DNAH6: variants seen among roughly 807,000 people sequenced by gnomAD.
The protein encoded by DNAH6 is axonemal beta dynein heavy chain 6.
In DNAH6, 340 loss-of-function variants were observed where a neutral mutation model predicts 491.4. The ratio of observed to expected loss-of-function variants is 0.69; its 90% confidence interval spans 0.63 to 0.76. The LOEUF is 0.76. DNAH6 is among the 30% of genes least tolerant of loss of function. The pLI is 0.00. For missense variants in DNAH6, 4,443 were observed against 4,972.2 expected (o/e 0.89, Z 3.20); for synonymous variants, 1,603 against 1,686.1 (o/e 0.95, Z 1.21).
At chr2:84,465,551 C>G in the DNAH6 span, among the ~76,000 whole-genome samples, 1 of 151,972 alleles carries the variant, frequency 6.6e-6, no homozygotes, top group Admixed American at 6.6e-5. Context: ...TATTCCCACA[C>G]AAAGAGTATA....
chr2:84,802,962 T>G (rs1679068977), intron 70 of DNAH6, among the ~76,000 whole-genome samples: 1 of 152,190 alleles, frequency 6.6e-6, no homozygotes, highest in Non-Finnish European at 1.5e-5. Context: ...GAATGACTTT[T>G]GGGTAAACAA....
rs892231504 is a variant in DNAH6, at chr2:84,577,171, A to G, written c.1925-86A>G. The G allele has an allele frequency of 1.0e-5, 8 of 786,780 alleles. No homozygotes were observed. The African/African-American group carries it at 1.2e-4, about 12-fold the overall frequency. 48.7% of individuals were successfully genotyped at this position (786,780 alleles called of 1,614,324 possible). A position where few individuals can be genotyped will look rare whatever the true frequency, so the allele number is the denominator to read the frequency against. The stretch of plus-strand genomic sequence containing the variant: ...TATACATATATGTGTAAATTTATCA[A>G]TGCAATGATTTTTAATATATTTTGT... On this transcript the variant is annotated intron_variant, in intron 12 of 76. Coordinates refer to ENST00000389394, the MANE Select transcript of DNAH6 (RefSeq NM_001370.2).
At chr2:84,631,646 A>G (rs1688408062) in intron 29 of DNAH6, among the ~76,000 whole-genome samples, 1 of 152,114 alleles carries the variant, frequency 6.6e-6, no homozygotes, top group South Asian at 2.1e-4. Context: ...GATCAGAGTG[A>G]TGCAGTACAA....
intron 62 of DNAH6, 134 bp downstream of exon 62, chr2:84,733,713 A>C: frequency 1.1e-6 from 1 of 891,174 alleles, no homozygotes; most frequent in Non-Finnish European, 1.6e-6. Context: ...AAGAAACTGT[A>C]AATTATTTGT....
In DNAH6 at chr2:84,533,101, G is replaced by A. The variant is rs1293412580; in HGVS notation, c.662+3935G>A. On this transcript the variant is annotated intron_variant, in intron 4 of 76. Transcript: ENST00000389394. ...CAGGGATTTAGACTGCAAAAGGCATGTAGGAATCAGTAGTGTCTGAGCACT... is the reference window on the plus strand; with the variant it reads ...CAGGGATTTAGACTGCAAAAGGCATATAGGAATCAGTAGTGTCTGAGCACT... Among the ~76,000 whole-genome samples, 6 of 152,114 alleles carry A rather than the reference G, an allele frequency of 3.9e-5. 1 individual carries two copies. The highest frequency in any genetic ancestry group is 3.9e-4 in the Admixed American group (6 of 15,244).
At chr2:84,590,564 T>C (rs1684021802) in intron 16 of DNAH6, among the ~76,000 whole-genome samples, 1 of 151,462 alleles carries the variant, frequency 6.6e-6, no homozygotes, top group Non-Finnish European at 1.5e-5. Flanking sequence ...AAGAATATCT[T>C]TGGTCCTGTC....
At chr2:84,662,301 G>A (rs573711220) in intron 37 of DNAH6, among the ~76,000 whole-genome samples, 1 of 152,114 alleles carries the variant, frequency 6.6e-6, no homozygotes, top group East Asian at 1.9e-4. Flanking sequence ...GAGCAGGGTG[G>A]GGCATCACCT....
At position 84,624,912 on chromosome 2, in the gene DNAH6, A is replaced by G. The variant is rs1385384324; in HGVS notation, c.4364A>G (p.Tyr1455Cys). 3 of 1,549,458 alleles carry G rather than the reference A, an allele frequency of 1.9e-6. No homozygotes were observed. In the South Asian group the frequency reaches 3.6e-5, roughly 19 times the overall value. Residue 1455 changes from tyrosine to cysteine, a missense_variant, in exon 29 of 77, where the codon TAT (tyrosine) becomes TGT (cysteine). This residue lies in a region of DNAH6 where 2,977 missense variants were observed against 3,296.6 expected (regional missense o/e 0.90). Transcript: ENST00000389394. Reference protein sequence around the residue: ...LVITPLTDRCYLCLMGALQLD... With the variant: ...LVITPLTDRCCLCLMGALQLD... ...CATTGCTTTCTTCAGGATCGCTGCT[A>G]TCTTTGCCTCATGGGAGCTTTGCAG...
At chr2:84,648,893 A>G (rs1478692929) in intron 33 of DNAH6, among the ~76,000 whole-genome samples, 3 of 152,226 alleles carry the variant, frequency 2.0e-5, no homozygotes, top group Admixed American at 1.3e-4. Flanking sequence ...AATGCTATCA[A>G]ACAGCATCAC....
At position 84,556,726 on chromosome 2, in the gene DNAH6, A is replaced by G. The variant is rs548880092; in HGVS notation, c.1603-1009A>G. Among the ~76,000 whole-genome samples, 12 of 152,314 alleles carry G rather than the reference A, an allele frequency of 7.9e-5. No individual in the cohort carries two copies. The East Asian group carries it at 2.3e-3, about 29-fold the overall frequency. On this transcript the variant is annotated intron_variant, in intron 10 of 76. Transcript: ENST00000389394. ...TTAGTGCATACTGATATGCTGACAT[A>G]CCTAACTTACCATGAGGTTATGTAC...
the DNAH6 span, among the ~76,000 whole-genome samples, chr2:84,489,090 C>T: frequency 2.6e-5 from 4 of 152,066 alleles, no homozygotes; most frequent in African/African-American, 9.7e-5. Context: ...TATTGGCCTC[C>T]CTATAACTTC....
chr2:84,528,013 T>C (rs1215149481), intron 3 of DNAH6, among the ~76,000 whole-genome samples: 1 of 152,178 alleles, frequency 6.6e-6, no homozygotes, highest in African/African-American at 2.4e-5. Flanking sequence ...TTGGAGTTAG[T>C]GTCAAATTTC....
At position 84,525,683 on chromosome 2, in the gene DNAH6, T is replaced by C. The variant is rs1306163108; in HGVS notation, c.344T>C (p.Phe115Ser). The change falls in exon 3 of 77, where the codon TTT becomes TCT. Residue 115 changes from phenylalanine (F) to serine (S), a missense_variant. Physicochemically the swap from Phe to Ser is radical, Grantham distance 155. This residue lies in a region of DNAH6 where 2,977 missense variants were observed against 3,296.6 expected (regional missense o/e 0.90). Transcript: ENST00000389394. ...KRPVSIAKKS[F>S]ATSSTQFLEH... is the part of the protein sequence containing the mutation. ...CCAGTAAGCATAGCAAAAAAAAGTT[T>C]TGCCACATCATCTACTCAGTTTCTT... is the stretch of plus-strand genomic sequence containing the variant. The C allele has an allele frequency of 9.0e-6, 14 of 1,550,202 alleles. No homozygotes were observed. Among genetic ancestry groups the C allele is most frequent in the Non-Finnish European group, 1.2e-5 (14 of 1,146,266 alleles).
chr2:84,637,153 G>T, intron 30 of DNAH6, 57 bp from the exon 31 acceptor site: 1 of 1,424,668 alleles, frequency 7.0e-7, no homozygotes, highest in Non-Finnish European at 9.4e-7. Flanking sequence ...TAATAATTAG[G>T]TGAAAAATTT....
the DNAH6 span, among the ~76,000 whole-genome samples, chr2:84,495,772 A>G: frequency 4.6e-5 from 7 of 152,222 alleles, no homozygotes; most frequent in Non-Finnish European, 1.0e-4. Flanking sequence ...CAAACCCCTC[A>G]GAAAGTTAAG....
At chr2:84,657,279 T>G (rs1691072205) in intron 35 of DNAH6, among the ~76,000 whole-genome samples, 1 of 152,050 alleles carries the variant, frequency 6.6e-6, no homozygotes, top group Non-Finnish European at 1.5e-5. Flanking sequence ...TTTTCAACTT[T>G]GTTCTTTTTT....
chr2:84,595,664 G>A lies in DNAH6; in HGVS notation c.2743G>A (p.Asp915Asn). 6.5e-7 allele frequency: 1 copy of A among 1,539,716 alleles called. No individual in the cohort carries two copies. ...EWLKSKFDCL[D>N]PEVLNGQVSK... Reference sequence around the variant, plus strand: ...TTCATAGTCCAAATTTGATTGCCTGGATCCAGAAGTCCTAAACGGTCAAGT... The same window carrying A: ...TTCATAGTCCAAATTTGATTGCCTGAATCCAGAAGTCCTAAACGGTCAAGT... The change falls in exon 18 of 77, where the codon GAT becomes AAT. Residue 915 changes from aspartate (D) to asparagine (N), a missense_variant. Around this residue, in one of 3 missense-constraint regions of DNAH6, gnomAD observed 2,977 missense variants for 3,296.6 expected, o/e 0.90. Transcript: ENST00000389394.
rs575179897 is a variant in DNAH6, at chr2:84,564,611, G to A, written c.1803+6676G>A. Among the ~76,000 whole-genome samples, 21 of 152,152 alleles carry A rather than the reference G, an allele frequency of 1.4e-4. 1 individual carries two copies. Among genetic ancestry groups the A allele is most frequent in the Middle Eastern group, 6.8e-3 (2 of 294 alleles). On this transcript the variant is annotated intron_variant, in intron 11 of 76. Transcript: ENST00000389394. Reference sequence around the variant, plus strand: ...TGGCAGAGTCTTTAGGGGTTTTTAGGTATAGAATTATATCATCAGCAAAGA... The same window carrying A: ...TGGCAGAGTCTTTAGGGGTTTTTAGATATAGAATTATATCATCAGCAAAGA...
At chr2:84,547,453 C>T (rs1381608741) in intron 6 of DNAH6, 39 bp from the exon 7 acceptor site, 1 of 1,551,510 alleles carries the variant, frequency 6.4e-7, no homozygotes, top group East Asian at 2.4e-5. Flanking sequence ...ATTTTTGATA[C>T]TTCAGTATCA....
Sources: gnomAD v4.1 joint callset for allele counts (sites outside exome capture counted in the v4.1 genomes callset) on GRCh38, gnomAD v4.1.1 for gene constraint, gnomAD v4.1.1 regional missense constraint, MANE v1.5 for transcripts, NCBI Gene and HGNC (gene_info 2026-07-23, HGNC 2026-07-21) for gene names.